Variants in TBC1D5 observed in about 807,000 individuals in gnomAD.
The protein encoded by TBC1D5 is TBC1 domain family member 5.
A neutral mutation model predicts 100.3 loss-of-function variants in TBC1D5; 75 were observed. That is an observed-to-expected ratio of 0.75 (90% confidence interval 0.62 to 0.91). The LOEUF (loss-of-function observed/expected upper bound fraction) is 0.91. Ranked by LOEUF, TBC1D5 falls within the 40% of genes least tolerant of loss-of-function variation. The probability of loss-of-function intolerance (pLI) is 0.00; values close to 1 mark genes in which losing one functional copy is unlikely to be tolerated. For synonymous variants in TBC1D5, 323 were observed against 325.6 expected (o/e 0.99, Z 0.09); for missense variants, 910 against 942.4 (o/e 0.97, Z 0.45).
intron 3 of TBC1D5, among the ~76,000 whole-genome samples, chr3:17,453,541 T>C (rs1283638917): frequency 1.3e-5 from 2 of 152,032 alleles, no homozygotes; most frequent in African/African-American, 4.8e-5. Flanking sequence ...GACAATAAAT[T>C]GGACAATCTA....
At chr3:17,485,608 T>C (rs2095555422) in intron 3 of TBC1D5, among the ~76,000 whole-genome samples, 1 of 151,836 alleles carries the variant, frequency 6.6e-6, no homozygotes, top group African/African-American at 2.4e-5. Flanking sequence ...TTTTTGTCCT[T>C]GCAATAGTTT....
intron 8 of TBC1D5, among the ~76,000 whole-genome samples, chr3:17,391,052 C>T (rs1015912190): frequency 6.6e-6 from 1 of 152,064 alleles, no homozygotes; most frequent in African/African-American, 2.4e-5. Flanking sequence ...ACTTCCCCAC[C>T]GGCAGGCCTC....
intron 3 of TBC1D5, among the ~76,000 whole-genome samples, chr3:17,464,249 T>TG (rs1481235922): frequency 6.6e-6 from 1 of 152,140 alleles, no homozygotes; most frequent in African/African-American, 2.4e-5. Flanking sequence ...CATGAGCCAC[T>TG]GCGCCTGTCC....
intron 1 of TBC1D5, among the ~76,000 whole-genome samples, chr3:17,721,398 G>A (rs1224816747): frequency 3.9e-5 from 6 of 151,994 alleles, no homozygotes; most frequent in South Asian, 2.1e-4. Context: ...CAGGTTTACC[G>A]TAAGTTAACT....
chr3:17,702,878 A>G (rs747930910), intron 1 of TBC1D5, among the ~76,000 whole-genome samples: 4 of 152,178 alleles, frequency 2.6e-5, no homozygotes, highest in Admixed American at 6.5e-5. Context: ...ATACTTAATC[A>G]TGAACAATTA....
At chr3:17,247,812 G>A (rs918241192) in intron 16 of TBC1D5, among the ~76,000 whole-genome samples, 5 of 152,084 alleles carry the variant, frequency 3.3e-5, no homozygotes, top group Admixed American at 3.3e-4. Context: ...AATGTTCATA[G>A]CATATTTACC....
rs201373009 is a variant in TBC1D5 at position 17,376,509 on chromosome 3, T to TA, written c.701+15dup. Reference sequence around the variant, plus strand: ...GCTAAAAAACAAATGGAGCTCATATTAAAAAAAAAACTTGCCTGGGCTGTG... The same window carrying TA: ...GCTAAAAAACAAATGGAGCTCATATTAAAAAAAAAAACTTGCCTGGGCTGTG... On this transcript the variant is annotated intron_variant, in intron 10 of 21. Transcript: ENST00000253692. 14,970 of 1,246,408 alleles carry TA rather than the reference T, an allele frequency of 0.012. 2 individuals carry two copies. The highest frequency in any genetic ancestry group is 0.022 in the South Asian group (1,444 of 64,308). 77.2% of individuals were successfully genotyped at this position (1,246,408 alleles called of 1,614,324 possible).
intron 3 of TBC1D5, among the ~76,000 whole-genome samples, chr3:17,456,716 A>G (rs1244893413): frequency 6.6e-6 from 1 of 152,204 alleles, no homozygotes; most frequent in East Asian, 1.9e-4. Context: ...TACAACCACT[A>G]CAAAGAACAG....
chr3:17,588,705 T>C (rs188821277), intron 2 of TBC1D5, among the ~76,000 whole-genome samples: 3 of 152,302 alleles, frequency 2.0e-5, no homozygotes, highest in African/African-American at 7.2e-5. Flanking sequence ...AGAGCACTAA[T>C]TTTAAAACAT....
At chr3:17,512,971 C>T (rs73153079) in intron 2 of TBC1D5, among the ~76,000 whole-genome samples, 10,489 of 152,048 alleles carry the variant, frequency 0.069, 714 homozygotes, top group African/African-American at 0.18. Context: ...GGTAAGCGTT[C>T]AGCACTAAAG....
chr3:17,692,801 C>A (rs2071366310), intron 1 of TBC1D5, among the ~76,000 whole-genome samples: 2 of 152,138 alleles, frequency 1.3e-5, no homozygotes, highest in Non-Finnish European at 1.5e-5. Flanking sequence ...TACCAATGGT[C>A]TAAAACACAA....
intron 1 of TBC1D5, among the ~76,000 whole-genome samples, chr3:17,701,534 C>G (rs1051275585): frequency 6.6e-6 from 1 of 151,940 alleles, no homozygotes; most frequent in Non-Finnish European, 1.5e-5. Context: ...ACTACAGAGG[C>G]GGAGTTGGGA....
chr3:17,269,475 A>C (rs574861912), intron 15 of TBC1D5, among the ~76,000 whole-genome samples: 4 of 152,188 alleles, frequency 2.6e-5, no homozygotes, highest in African/African-American at 9.6e-5. Context: ...CCAGAAATTG[A>C]CTATTTCTTC....
chr3:17,657,582 G>C (rs191626958), intron 1 of TBC1D5, among the ~76,000 whole-genome samples: 1 of 151,982 alleles, frequency 6.6e-6, no homozygotes, highest in Admixed American at 6.5e-5. Context: ...TGATCTGCCC[G>C]CCTCGGCCTC....
chr3:17,303,519 C>G (rs2083072584), intron 14 of TBC1D5, among the ~76,000 whole-genome samples: 1 of 152,168 alleles, frequency 6.6e-6, no homozygotes, highest in Non-Finnish European at 1.5e-5. Context: ...CCATGGAGAA[C>G]TAAAGTAAAA....
At chr3:17,695,135 CA>C (rs1439205541) in intron 1 of TBC1D5, among the ~76,000 whole-genome samples, 4 of 152,138 alleles carry the variant, frequency 2.6e-5, no homozygotes, top group African/African-American at 9.7e-5. Flanking sequence ...CAAGCCACTG[CA>C]AAAACATGCC....
chr3:17,647,572 G>A (rs753152021), intron 1 of TBC1D5, among the ~76,000 whole-genome samples: 5 of 152,086 alleles, frequency 3.3e-5, no homozygotes, highest in African/African-American at 9.7e-5. Flanking sequence ...AAAGGGAAGA[G>A]CAAGTGCAAA....
At chr3:17,462,321 A>ATTTTTTTTTTTTTTTT (rs1188024653) in intron 3 of TBC1D5, among the ~76,000 whole-genome samples, 1 of 143,028 alleles carries the variant, frequency 7.0e-6, no homozygotes, top group Non-Finnish European at 1.5e-5. Flanking sequence ...TTCGGACCTT[A>ATTTTTTTTTTTTTTTT]ATTTTTTTTT....
intron 8 of TBC1D5, among the ~76,000 whole-genome samples, chr3:17,396,238 C>T (rs2093501227): frequency 6.6e-6 from 1 of 152,098 alleles, no homozygotes; most frequent in African/African-American, 2.4e-5. Context: ...TCATGTGTGC[C>T]TGCAGTCCAC....
Sources: allele counts gnomAD v4.1 joint callset (sites outside exome capture counted in the v4.1 genomes callset), GRCh38; gene constraint gnomAD v4.1.1; transcripts MANE v1.5; gene names NCBI Gene and HGNC (gene_info 2026-07-23, HGNC 2026-07-21).